Variants in KLF12 observed in about 807,000 individuals in gnomAD.
KLF12 encodes the protein KLF transcription factor 12, also known as Krueppel-like factor 12.
KLF12 carries 9 observed loss-of-function variants against 37.8 expected under a neutral mutation model. That is an observed-to-expected ratio of 0.24 (90% confidence interval 0.14 to 0.42). The LOEUF (loss-of-function observed/expected upper bound fraction) is 0.42, where lower values mean the gene tolerates loss of function less well. Ranked by LOEUF, KLF12 falls within the 10% of genes least tolerant of loss-of-function variation. KLF12 has a pLI of 1.00. For synonymous variants in KLF12, 208 were observed against 202.1 expected (o/e 1.03, Z -0.25); for missense variants, 411 against 516.0 (o/e 0.80, Z 1.97).
chr13:73,919,696 C>A (rs1487294118), intron 3 of KLF12, among the ~76,000 whole-genome samples: 1 of 152,158 alleles, frequency 6.6e-6, no homozygotes, highest in Non-Finnish European at 1.5e-5. Flanking sequence ...AATCAATCCT[C>A]TAATTTCATT....
rs1281976917 is a variant in KLF12, at chr13:73,695,454, T to A, written c.*36A>T. ...TGCTGAATTGGGTGCCGCTAAGAGA[T>A]CCAGCTCTTACGCTCAGCTGGACAG... On this transcript the variant is annotated 3_prime_UTR_variant, in exon 8 of 8. Coordinates refer to ENST00000377669, the MANE Select transcript of KLF12 (RefSeq NM_007249.5). 1 of 1,605,876 alleles carries A rather than the reference T, an allele frequency of 6.2e-7. No individual in the cohort carries two copies. The highest frequency in any genetic ancestry group is 1.1e-5 in the South Asian group (1 of 90,694).
At chr13:74,219,616 T>G in the KLF12 span, among the ~76,000 whole-genome samples, 1 of 152,226 alleles carries the variant, frequency 6.6e-6, no homozygotes, top group Non-Finnish European at 1.5e-5. Context: ...TAGAAAAAAG[T>G]TTAAAAAATT....
the KLF12 span, among the ~76,000 whole-genome samples, chr13:74,172,868 A>G: frequency 1.3e-5 from 2 of 152,234 alleles, no homozygotes; most frequent in East Asian, 1.9e-4. Context: ...TACCTGCCTC[A>G]GGTCCACCCT....
At chr13:73,872,297 C>T (rs541440784) in intron 3 of KLF12, among the ~76,000 whole-genome samples, 2 of 152,258 alleles carry the variant, frequency 1.3e-5, no homozygotes, top group Admixed American at 6.5e-5. Flanking sequence ...GACCAAAATT[C>T]TTCCTTTAGT....
the KLF12 span, among the ~76,000 whole-genome samples, chr13:74,227,645 C>A: frequency 6.6e-6 from 1 of 152,052 alleles, no homozygotes; most frequent in Non-Finnish European, 1.5e-5. Context: ...ACATAAGAAT[C>A]CCCGTGGTTA....
chr13:73,744,199 G>A (rs1215844652), intron 6 of KLF12, among the ~76,000 whole-genome samples: 2 of 152,150 alleles, frequency 1.3e-5, no homozygotes, highest in South Asian at 2.1e-4. Context: ...AGCATGGATT[G>A]GATTAGGAGA....
chr13:74,118,658 T>A (rs973547962), intron 1 of KLF12, among the ~76,000 whole-genome samples: 2 of 152,076 alleles, frequency 1.3e-5, no homozygotes, highest in African/African-American at 4.8e-5. Context: ...GGTCAAAAAG[T>A]TTCAAAACTG....
intron 1 of KLF12, among the ~76,000 whole-genome samples, chr13:74,121,150 A>T (rs1206502832): frequency 6.6e-6 from 1 of 152,180 alleles, no homozygotes; most frequent in Non-Finnish European, 1.5e-5. Context: ...TTCAAAATAC[A>T]TAAAGCAAAA....
intron 3 of KLF12, among the ~76,000 whole-genome samples, chr13:73,875,075 G>T (rs1049581010): frequency 6.6e-6 from 1 of 151,970 alleles, no homozygotes; most frequent in African/African-American, 2.4e-5. Context: ...GAATACTTAA[G>T]TGAAAAGAAC....
chr13:73,858,318 T>C (rs993993058), intron 3 of KLF12, among the ~76,000 whole-genome samples: 1 of 152,218 alleles, frequency 6.6e-6, no homozygotes, highest in Non-Finnish European at 1.5e-5. Flanking sequence ...GTATAAGTTT[T>C]AGACTGGTGG....
intron 2 of KLF12, among the ~76,000 whole-genome samples, chr13:73,975,757 C>A (rs956607863): frequency 1.3e-5 from 2 of 152,148 alleles, no homozygotes; most frequent in Non-Finnish European, 2.9e-5. Flanking sequence ...CTGTGCCGTA[C>A]CTCCTCCTGG....
the KLF12 span, among the ~76,000 whole-genome samples, chr13:74,200,928 G>T: frequency 1.3e-5 from 2 of 152,070 alleles, no homozygotes; most frequent in African/African-American, 4.8e-5. Context: ...ACACACAGAT[G>T]ATTTTAGGTT....
chr13:73,894,673 C>G (rs1318590596), intron 3 of KLF12, among the ~76,000 whole-genome samples: 2 of 152,062 alleles, frequency 1.3e-5, no homozygotes, highest in Non-Finnish European at 2.9e-5. Flanking sequence ...TTTTGTATCG[C>G]ATATACACAC....
chr13:74,128,051 T>C (rs192886020), intron 1 of KLF12, among the ~76,000 whole-genome samples: 1 of 152,232 alleles, frequency 6.6e-6, no homozygotes, highest in Non-Finnish European at 1.5e-5. Flanking sequence ...TCATTGTTCA[T>C]CTTTATTTTC....
chr13:74,193,529 G>A, the KLF12 span, among the ~76,000 whole-genome samples: 7 of 152,084 alleles, frequency 4.6e-5, no homozygotes, highest in Non-Finnish European at 7.4e-5. Context: ...ATGCAAACTG[G>A]TTACTGCCAA....
the KLF12 span, among the ~76,000 whole-genome samples, chr13:74,288,400 C>T: frequency 1.7e-4 from 26 of 152,036 alleles, no homozygotes; most frequent in African/African-American, 5.8e-4. Context: ...AGCGAGGTAA[C>T]GGGGTAAAAC....
At chr13:73,709,059 C>T (rs9565034) in intron 7 of KLF12, among the ~76,000 whole-genome samples, 1 of 152,112 alleles carries the variant, frequency 6.6e-6, no homozygotes. Flanking sequence ...TTCAAAAATA[C>T]TTGGTCACAT....
intron 6 of KLF12, among the ~76,000 whole-genome samples, chr13:73,717,326 A>G (rs1239905393): frequency 6.6e-6 from 1 of 152,116 alleles, no homozygotes; most frequent in Non-Finnish European, 1.5e-5. Context: ...TAAACAAACC[A>G]AAAAACAGTG....
At chr13:73,944,428 T>A (rs1423745168) in intron 2 of KLF12, among the ~76,000 whole-genome samples, 2 of 152,210 alleles carry the variant, frequency 1.3e-5, no homozygotes, top group Admixed American at 6.5e-5. Flanking sequence ...CTTCCCTTAG[T>A]TCTGGAAATT....
Sources: gnomAD v4.1 joint callset for allele counts (sites outside exome capture counted in the v4.1 genomes callset) on GRCh38, gnomAD v4.1.1 for gene constraint, MANE v1.5 for transcripts, NCBI Gene and HGNC (gene_info 2026-07-23, HGNC 2026-07-21) for gene names.